Variants in ATP2A1 observed in about 807,000 individuals in gnomAD.
ATP2A1 encodes the protein ATPase sarcoplasmic/endoplasmic reticulum Ca2+ transporting 1, also known as sarcoplasmic/endoplasmic reticulum calcium ATPase 1.
ATP2A1 carries 83 observed loss-of-function variants against 109.5 expected under a neutral mutation model. That is an observed-to-expected ratio of 0.76 (90% CI 0.63 to 0.91). ATP2A1 has a LOEUF of 0.91. ATP2A1 is among the 40% of genes least tolerant of loss of function. ATP2A1 has a pLI of 0.00. For synonymous variants in ATP2A1, 505 were observed against 537.6 expected (o/e 0.94, Z 0.84); for missense variants, 1,101 against 1,341.0 (o/e 0.82, Z 2.80).
In ATP2A1 at chr16:28,880,085, C is replaced by T. The variant is rs532572247; in HGVS notation, c.219+502C>T. 2 of 997,430 alleles carry T rather than the reference C, an allele frequency of 2.0e-6. No individual in the cohort carries two copies. The highest frequency in any genetic ancestry group is 6.1e-5 in the Admixed American group (1 of 16,462). 61.8% of individuals were successfully genotyped at this position (997,430 alleles called of 1,614,324 possible). On this transcript the variant is annotated intron_variant, in intron 3 of 22. Coordinates refer to ENST00000395503, the MANE Select transcript of ATP2A1 (RefSeq NM_004320.6). This position sits in a 1 kb window ranked among gnomAD's most constrained non-coding sequence, Gnocchi z 4.2. ...CGGTGTGATGATGACTCCAAGGAGC[C>T]CGGCGCCCGGTCAGGGAGGGCACTG... is the stretch of plus-strand genomic sequence containing the variant.
rs2152200230 is a variant in ATP2A1, at chr16:28,882,571, G to A, written c.445G>A (p.Asp149Asn). 2 of 1,614,202 alleles carry A rather than the reference G, an allele frequency of 1.2e-6. No individual in the cohort carries two copies. The highest frequency in any genetic ancestry group is 1.1e-5 in the South Asian group (1 of 91,086). ...CAAGGCTCGGGACATCGTCCCTGGG[G>A]ACATCGTGGAGGTGGCTGGTGAGTG... Reference protein sequence around the residue: ...RIKARDIVPGDIVEVAVGDKV... With the variant: ...RIKARDIVPGNIVEVAVGDKV... Residue 149 changes from aspartate to asparagine, a missense_variant, in exon 5 of 23, where the codon GAC becomes AAC. Transcript: ENST00000395503.
In ATP2A1 at chr16:28,902,448, C is replaced by T. The variant is rs1964107816; in HGVS notation, c.2524+62C>T. ...TGGGACTAACCCCCTCTCTGGGACA[C>T]CAGCTCCCCCATGCAGGTGCTGAGA... On this transcript the variant is annotated intron_variant, in intron 17 of 22. Coordinates refer to ENST00000395503, the MANE Select transcript of ATP2A1 (RefSeq NM_004320.6). The surrounding 1 kb of genome is among the most constrained non-coding windows in gnomAD (Gnocchi z 4.8). 3.8e-6 allele frequency: 6 copies of T among 1,588,630 alleles called. No individual in the cohort carries two copies. Among genetic ancestry groups the T allele is most frequent in the Non-Finnish European group, 5.2e-6 (6 of 1,161,230 alleles).
In ATP2A1 at chr16:28,894,946, G is replaced by C. The variant is rs1303194722; in HGVS notation, c.1412G>C (p.Cys471Ser). The C allele has an allele frequency of 1.5e-5, 24 of 1,611,596 alleles. 1 individual carries two copies. The highest frequency in any genetic ancestry group is 1.9e-5 in the Non-Finnish European group (23 of 1,180,010). The change falls in exon 12 of 23, where the codon TGC (cysteine) becomes TCC (serine). Residue 471 changes from cysteine to serine, a missense_variant. Cys to Ser is a moderately radical substitution (Grantham distance 112). Coordinates refer to ENST00000395503, the MANE Select transcript of ATP2A1 (RefSeq NM_004320.6). ...SLSKVERANA[C>S]NSVIRQLMKK... ...TCGAAGGTGGAGAGAGCCAACGCCTGCAACTCGGTGAGCCTGCGGAGCCCC... is the reference window on the plus strand; with the variant it reads ...TCGAAGGTGGAGAGAGCCAACGCCTCCAACTCGGTGAGCCTGCGGAGCCCC...
chr16:28,878,827 C>A, intron 1 of ATP2A1, 38 bp downstream of exon 1: 1 of 1,590,568 alleles, frequency 6.3e-7, no homozygotes, highest in Non-Finnish European at 8.6e-7. Context: ...TAATTAATGC[C>A]CTCCTGCACC....
At chr16:28,896,420 T>G (rs1963918663) in intron 12 of ATP2A1, among the ~76,000 whole-genome samples, 2 of 145,534 alleles carry the variant, frequency 1.4e-5, no homozygotes, top group African/African-American at 2.5e-5. Context: ...TAGAGACGAG[T>G]TTTTTTTTTT....
intron 8 of ATP2A1, 106 bp downstream of exon 8, chr16:28,887,828 T>C (rs2082524451): frequency 8.5e-6 from 12 of 1,409,554 alleles, no homozygotes; most frequent in Non-Finnish European, 1.1e-5. Context: ...TGAGATGGAG[T>C]CTTGCTCTGT....
At chr16:28,899,301 A>G (rs1963999050) in intron 14 of ATP2A1, among the ~76,000 whole-genome samples, 1 of 152,208 alleles carries the variant, frequency 6.6e-6, no homozygotes, top group African/African-American at 2.4e-5. Flanking sequence ...GGCACTGCCA[A>G]AAGCAGAAAG....
In ATP2A1 at chr16:28,903,593, C is replaced by T; in HGVS notation, c.2981-107C>T. 1 of 1,200,590 alleles carries T rather than the reference C, an allele frequency of 8.3e-7. No homozygotes were observed. The highest frequency in any genetic ancestry group is 1.9e-4 in the Middle Eastern group (1 of 5,274). The allele number at this position is 1,200,590 out of a possible 1,614,324, so 74.4% of individuals were successfully genotyped here. A position where few individuals can be genotyped will look rare whatever the true frequency, so the allele number is the denominator to read the frequency against. On this transcript the variant is annotated intron_variant, in intron 21 of 22. Transcript: ENST00000395503. The surrounding 1 kb of genome is among the most constrained non-coding windows in gnomAD (Gnocchi z 5.6). ...CCGTTCCCCCTGCGCCTGCAGGGGCCACATCTCCGGGGCAGCCCCACTGCC... is the reference window on the plus strand; with the variant it reads ...CCGTTCCCCCTGCGCCTGCAGGGGCTACATCTCCGGGGCAGCCCCACTGCC...
rs1365564534 is a variant in ATP2A1 at position 28,882,427 on chromosome 16, G to C, written c.325-24G>C. The C allele has an allele frequency of 2.5e-6, 4 of 1,613,854 alleles. No individual in the cohort carries two copies. The African/African-American group carries it at 5.3e-5, about 22-fold the overall frequency. On this transcript the variant is annotated intron_variant, in intron 4 of 22. Coordinates refer to ENST00000395503, the MANE Select transcript of ATP2A1 (RefSeq NM_004320.6). ...AACTCTGCCTCCTGTGTATAACCCT[G>C]CCTCCTCCACCCTGTCTCCTCAGGA...
At chr16:28,894,076 G>A (rs1963850242) in intron 9 of ATP2A1, 79 bp from the exon 10 acceptor site, 3 of 1,258,874 alleles carry the variant, frequency 2.4e-6, no homozygotes, top group Admixed American at 3.7e-5. Flanking sequence ...TGTTGGCAGT[G>A]CAGGCCTCCC....
At chr16:28,897,402 C>T (rs979666969) in intron 12 of ATP2A1, among the ~76,000 whole-genome samples, 2 of 152,022 alleles carry the variant, frequency 1.3e-5, no homozygotes, top group Non-Finnish European at 2.9e-5. Flanking sequence ...GGCTGGGAGG[C>T]TGAGGCAGGA....
At chr16:28,894,029 G>A (rs1042007235) in intron 9 of ATP2A1, 126 bp from the exon 10 acceptor site, 9 of 759,796 alleles carry the variant, frequency 1.2e-5, no homozygotes, top group Non-Finnish European at 2.1e-5. Context: ...GGGGGGATGA[G>A]GAGGGGTGAG....
Position 28,903,376 on chromosome 16 carries a change from G to A in ATP2A1, c.2916G>A (p.Lys972=), listed in dbSNP as rs1276350603. Residue 972 remains lysine, a synonymous_variant, in exon 21 of 23, where the codon AAG becomes AAA. Coordinates refer to ENST00000395503, the MANE Select transcript of ATP2A1 (RefSeq NM_004320.6). This position sits in a 1 kb window ranked among gnomAD's most constrained non-coding sequence, Gnocchi z 5.6. ...TCACCCAGTGGCTCATGGTCCTCAA[G>A]ATCTCACTGCCAGTCATTGGGCTCG... ...LDLTQWLMVL[K]ISLPVIGLDE... The A allele has an allele frequency of 6.2e-7, 1 of 1,614,010 alleles. No individual in the cohort carries two copies. Among genetic ancestry groups the A allele is most frequent in the South Asian group, 1.1e-5 (1 of 91,080 alleles).
In ATP2A1 at chr16:28,894,504, G is replaced by C. The variant is rs1963862479; in HGVS notation, c.1185-1G>C. ...CCTTCCTCCCCTGACCCTGCTGCCA[G>C]CTTGAAGAATGATAAGCCAGTCCGG... is the stretch of plus-strand genomic sequence containing the variant. On this transcript the variant is annotated splice_acceptor_variant, in intron 10 of 22. Coordinates refer to ENST00000395503, the MANE Select transcript of ATP2A1 (RefSeq NM_004320.6). LOFTEE classifies it high-confidence loss of function. 1 of 1,613,672 alleles carries C rather than the reference G, an allele frequency of 6.2e-7. No homozygotes were observed. Among genetic ancestry groups the C allele is most frequent in the Non-Finnish European group, 8.5e-7 (1 of 1,179,938 alleles).
chr16:28,879,770 C>G, intron 3 of ATP2A1, 187 bp downstream of exon 3: 2 of 753,132 alleles, frequency 2.7e-6, no homozygotes. Flanking sequence ...ACCCCAGAGG[C>G]AGGTTTTATT....
At chr16:28,889,360 G>T (rs540472811) in intron 9 of ATP2A1, among the ~76,000 whole-genome samples, 1 of 152,068 alleles carries the variant, frequency 6.6e-6, no homozygotes, top group African/African-American at 2.4e-5. Flanking sequence ...GGGTTCAAGC[G>T]ATTCATCTGC....
chr16:28,878,864 G>A (rs1469706489), intron 1 of ATP2A1, 75 bp downstream of exon 1: 19 of 1,493,338 alleles, frequency 1.3e-5, no homozygotes, highest in Non-Finnish European at 8.4e-6. Flanking sequence ...ACGCATGCAC[G>A]CGTTTCTCCC....
chr16:28,878,959 C>A, intron 1 of ATP2A1, 140 bp from the exon 2 acceptor site: 1 of 1,377,630 alleles, frequency 7.3e-7, no homozygotes, highest in Non-Finnish European at 1.0e-6. Context: ...TCCCGAGATC[C>A]AGAGTTTTGG....
rs1057164663 is a variant in ATP2A1 at position 28,886,265 on chromosome 16, AGTTT to A, written c.545-922_545-919del. Among the ~76,000 whole-genome samples the A allele has an allele frequency of 2.8e-4, 43 of 152,118 alleles. 1 individual carries two copies. Among genetic ancestry groups the A allele is most frequent in the Non-Finnish European group, 2.9e-5 (2 of 68,018 alleles). The stretch of plus-strand genomic sequence containing the variant: ...GGTGGGAGGATCACTTGAACCCAAG[AGTTT>A]GAGGCTGCAATGAGCTATGATCACA... On this transcript the variant is annotated intron_variant, in intron 6 of 22. Transcript: ENST00000395503.
Sources: gnomAD v4.1 joint callset for allele counts (sites outside exome capture counted in the v4.1 genomes callset) on GRCh38, gnomAD v4.1.1 for gene constraint, Gnocchi (gnomAD v3.1) non-coding constraint, MANE v1.5 for transcripts, NCBI Gene and HGNC (gene_info 2026-07-23, HGNC 2026-07-21) for gene names.